Variants in TDRD1 observed in about 807,000 individuals in gnomAD.
TDRD1 encodes the protein tudor domain-containing protein 1.
TDRD1 carries 37 observed loss-of-function variants against 140.6 expected under a neutral mutation model. That is an observed-to-expected ratio of 0.26 (90% CI 0.20 to 0.35). TDRD1 has a LOEUF of 0.35. TDRD1 is among the 10% of genes least tolerant of loss of function. TDRD1 has a pLI of 1.00. For synonymous variants in TDRD1, 506 were observed against 475.7 expected, an observed-to-expected ratio of 1.06 and a Z score of -0.83; for missense variants, 1,243 against 1,393.0, an observed-to-expected ratio of 0.89 and a Z score of 1.71.
At chr10:114,204,996 C>G (rs2035008529) in intron 10 of TDRD1, 103 bp downstream of exon 10, 1 of 1,009,536 alleles carries the variant, frequency 9.9e-7, no homozygotes, top group East Asian at 2.9e-5. Flanking sequence ...AAACTGCCCT[C>G]TGGAGTCATT....
intron 20 of TDRD1, among the ~76,000 whole-genome samples, chr10:114,221,989 G>T (rs947375664): frequency 2.9e-4 from 44 of 152,318 alleles, no homozygotes; most frequent in Middle Eastern, 3.4e-3. Context: ...TGTAGTATCT[G>T]AAGATGAGTT....
chr10:114,227,355 A>G, intron 23 of TDRD1, 56 bp downstream of exon 23: 1 of 1,265,480 alleles, frequency 7.9e-7, no homozygotes, highest in Non-Finnish European at 1.2e-6. Flanking sequence ...ATAACAGATA[A>G]TCAATTTAGT....
exon 8 of TDRD1, chr10:114,203,489 A>C: frequency 6.2e-7 from 1 of 1,614,054 alleles, no homozygotes; most frequent in Non-Finnish European, 8.5e-7. Context: ...GCTTAAAAGA[A>C]ACATATGCAA....
chr10:114,208,431 A>G (rs1454872779), intron 11 of TDRD1, among the ~76,000 whole-genome samples: 4 of 152,198 alleles, frequency 2.6e-5, no homozygotes, highest in African/African-American at 9.7e-5. Flanking sequence ...TCTGTCACAC[A>G]ATTAAATCAG....
At chr10:114,206,509 G>A (rs1039368070) in intron 11 of TDRD1, among the ~76,000 whole-genome samples, 179 bp downstream of exon 11, 1 of 151,762 alleles carries the variant, frequency 6.6e-6, no homozygotes, top group Non-Finnish European at 1.5e-5. Flanking sequence ...AATCTTTCCT[G>A]CCTGTTCTCC....
chr10:114,225,546 A>G (rs1313356314), intron 21 of TDRD1, among the ~76,000 whole-genome samples: 1 of 137,514 alleles, frequency 7.3e-6, no homozygotes, highest in African/African-American at 2.9e-5. Flanking sequence ...TCTCTACTCT[A>G]TTCTACGCAT....
At chr10:114,227,298 A>G in exon 23 of TDRD1, 1 of 1,598,220 alleles carries the variant, frequency 6.3e-7, no homozygotes. Flanking sequence ...CTTTAAATAC[A>G]GGTATTCTTT....
intron 1 of TDRD1, among the ~76,000 whole-genome samples, chr10:114,180,421 C>A (rs1034863343): frequency 5.3e-5 from 8 of 152,192 alleles, no homozygotes; most frequent in African/African-American, 1.7e-4. Flanking sequence ...CTTAAGAGCT[C>A]ATGCTTTACC....
At chr10:114,194,998 G>A (rs1348436184) in intron 3 of TDRD1, among the ~76,000 whole-genome samples, 1 of 150,782 alleles carries the variant, frequency 6.6e-6, no homozygotes, top group African/African-American at 2.4e-5. Flanking sequence ...GGCCTCAAGT[G>A]GTCCTCCCAC....
chr10:114,183,909 CT>C (rs1405249888), intron 1 of TDRD1, among the ~76,000 whole-genome samples: 1 of 151,688 alleles, frequency 6.6e-6, no homozygotes, highest in African/African-American at 2.4e-5. Context: ...GTGTCCGTGC[CT>C]TTTTTGCTAT....
chr10:114,198,903 T>C (rs1057107860), intron 3 of TDRD1, among the ~76,000 whole-genome samples: 1 of 152,178 alleles, frequency 6.6e-6, no homozygotes, highest in African/African-American at 2.4e-5. Context: ...GCACCCAGTC[T>C]GGTATATATG....
chr10:114,207,264 C>T (rs926372959), intron 11 of TDRD1, among the ~76,000 whole-genome samples: 6 of 152,220 alleles, frequency 3.9e-5, no homozygotes, highest in Middle Eastern at 3.2e-3. Context: ...TGGTTGGACA[C>T]ATCCTATCAC....
At chr10:114,187,768 C>A (rs1001990675) in intron 1 of TDRD1, 58 bp from the exon 2 acceptor site, 3 of 1,376,656 alleles carry the variant, frequency 2.2e-6, no homozygotes, top group African/African-American at 1.5e-5. Flanking sequence ...TCTGAGCCTG[C>A]AGTTCTTCTG....
chr10:114,188,110 C>G, exon 2 of TDRD1: 2 of 1,608,794 alleles, frequency 1.2e-6, no homozygotes, highest in Non-Finnish European at 1.7e-6. Flanking sequence ...ATGGCATCAA[C>G]GGAGAAGTAG....
At chr10:114,189,502 G>T (rs1178049453) in intron 2 of TDRD1, among the ~76,000 whole-genome samples, 1 of 152,168 alleles carries the variant, frequency 6.6e-6, no homozygotes, top group Non-Finnish European at 1.5e-5. Context: ...AGCAATTTCG[G>T]GTTTTAGGAA....
chr10:114,204,691 T>C, intron 9 of TDRD1, 31 bp from the exon 10 acceptor site: 1 of 1,568,070 alleles, frequency 6.4e-7, no homozygotes, highest in East Asian at 2.3e-5. Context: ...AAATGGTAAT[T>C]TTTGTAAGTA....
At chr10:114,211,565 G>A (rs1289582137) in intron 13 of TDRD1, among the ~76,000 whole-genome samples, 1 of 152,186 alleles carries the variant, frequency 6.6e-6, no homozygotes, top group Non-Finnish European at 1.5e-5. Context: ...TGTATTGATT[G>A]AGACCTTGTG....
At chr10:114,209,692 C>T (rs1005396237) in intron 11 of TDRD1, among the ~76,000 whole-genome samples, 1 of 152,172 alleles carries the variant, frequency 6.6e-6, no homozygotes, top group African/African-American at 2.4e-5. Flanking sequence ...TATGAAATTC[C>T]CTCCACTTTT....
At position 114,213,116 on chromosome 10, in the gene TDRD1, A is replaced by G. The variant is rs541691924; in HGVS notation, c.1832-230A>G. ...AGATGTGAGTCTGGCCATGTTGCCC[A>G]GTCTGGTCTCAAATCGGCCTCGGCC... is the stretch of plus-strand genomic sequence containing the variant. On this transcript the variant is annotated intron_variant, in intron 14 of 25. Coordinates refer to ENST00000251864, the Ensembl canonical transcript of TDRD1. Among the ~76,000 whole-genome samples, 22 of 152,102 alleles carry G rather than the reference A, an allele frequency of 1.4e-4. No homozygotes were observed. The East Asian group carries it at 3.7e-3, about 25-fold the overall frequency.
Sources: allele counts gnomAD v4.1 joint callset (sites outside exome capture counted in the v4.1 genomes callset), GRCh38; gene constraint gnomAD v4.1.1; transcripts MANE v1.5; gene names NCBI Gene and HGNC (gene_info 2026-07-23, HGNC 2026-07-21).